The following GPATCH8 variants were observed in gnomAD, a reference collection of about 807,000 sequenced individuals.
GPATCH8 encodes the protein G-patch domain containing 8.
Under a neutral mutation model 118.3 loss-of-function variants are expected in GPATCH8, and 18 were observed. That is an observed-to-expected ratio of 0.15 (90% CI 0.11 to 0.23). GPATCH8 has a LOEUF of 0.23. GPATCH8 is among the 10% of genes least tolerant of loss of function. The probability of loss-of-function intolerance (pLI) is 1.00; values close to 1 mark genes in which losing one functional copy is unlikely to be tolerated. For synonymous variants in GPATCH8, 659 were observed against 684.7 expected, an observed-to-expected ratio of 0.96 and a Z score of 0.59; for missense variants, 1,631 against 1,873.8, an observed-to-expected ratio of 0.87 and a Z score of 2.39.
intron 6 of GPATCH8, among the ~76,000 whole-genome samples, chr17:44,411,928 A>T (rs1407551205): frequency 6.7e-6 from 1 of 149,730 alleles, no homozygotes; most frequent in Non-Finnish European, 1.5e-5. Context: ...CTGTGTCTAT[A>T]AAAAAAAAAT....
chr17:44,472,946 G>A (rs1433018705), intron 2 of GPATCH8, among the ~76,000 whole-genome samples: 2 of 151,642 alleles, frequency 1.3e-5, no homozygotes, highest in African/African-American at 4.8e-5. Flanking sequence ...CACCTGTCTC[G>A]GCCTCCCAAA....
At chr17:44,461,193 T>A (rs192824883) in intron 3 of GPATCH8, among the ~76,000 whole-genome samples, 22 of 152,330 alleles carry the variant, frequency 1.4e-4, no homozygotes, top group Admixed American at 1.4e-3. Context: ...TTTATTTATT[T>A]ATTTTAAACA....
chr17:44,474,996 C>CTT (rs960355933), intron 1 of GPATCH8, 93 bp from the exon 2 acceptor site: 40 of 626,256 alleles, frequency 6.4e-5, no homozygotes, highest in East Asian at 9.2e-5. Context: ...TTTAACTTTT[C>CTT]TTTTTTTTTT....
chr17:44,502,359 GTTT>G (rs10532706), intron 1 of GPATCH8, among the ~76,000 whole-genome samples: 75,939 of 143,922 alleles, frequency 0.53, 20,012 homozygotes, highest in Middle Eastern at 0.64. Flanking sequence ...GTAATGCAGT[GTTT>G]TTTTTTTTTT....
intron 3 of GPATCH8, chr17:44,436,925 C>T (rs931109224): frequency 5.2e-6 from 1 of 190,562 alleles, no homozygotes; most frequent in Non-Finnish European, 1.1e-5. Context: ...TATCCTCCTA[C>T]ACAACTTTTT....
At chr17:44,403,693 T>C (rs551383768) in intron 7 of GPATCH8, among the ~76,000 whole-genome samples, 36 of 32,362 alleles carry the variant, frequency 1.1e-3, no homozygotes, top group South Asian at 4.5e-3. Context: ...TAATCTCTCT[T>C]TTTTTTTTTT....
Position 44,436,533 on chromosome 17 carries a change from G to T in GPATCH8, c.206C>A (p.Pro69His). 1 of 1,492,512 alleles carries T rather than the reference G, an allele frequency of 6.7e-7. No homozygotes were observed. Among genetic ancestry groups the T allele is most frequent in the Non-Finnish European group, 9.4e-7 (1 of 1,068,838 alleles). 92.5% of individuals were successfully genotyped at this position (1,492,512 alleles called of 1,614,324 possible). Reference sequence around the variant, plus strand: ...ATCATACTTGACAACGATTGGAATGGGATCTGTTCTCCCTGTAACAGGAAC... The same window carrying T: ...ATCATACTTGACAACGATTGGAATGTGATCTGTTCTCCCTGTAACAGGAAC... The part of the protein sequence containing the change: ...LGKSLQGRTD[P>H]IPIVVKYDVM... The change falls in exon 4 of 8, where the codon CCC becomes CAC. Residue 69 changes from proline (P) to histidine (H), a missense_variant. By Grantham distance (77) the Pro-to-His change is moderately conservative (BLOSUM62 -2). Transcript: ENST00000591680.
intron 2 of GPATCH8, among the ~76,000 whole-genome samples, chr17:44,472,412 T>C (rs1350076662): frequency 2.6e-5 from 4 of 152,216 alleles, no homozygotes; most frequent in Non-Finnish European, 5.9e-5. Flanking sequence ...TCATGTGCCA[T>C]AGGAATGAAA....
intron 1 of GPATCH8, among the ~76,000 whole-genome samples, chr17:44,479,362 A>G (rs572157163): frequency 1.3e-5 from 2 of 152,368 alleles, no homozygotes; most frequent in Non-Finnish European, 2.9e-5. Flanking sequence ...AAATACAGTT[A>G]GCTAATTAAC....
At chr17:44,453,814 T>C (rs944495937) in intron 3 of GPATCH8, among the ~76,000 whole-genome samples, 2 of 151,966 alleles carry the variant, frequency 1.3e-5, no homozygotes, top group Non-Finnish European at 2.9e-5. Context: ...ATTACAGGCA[T>C]GAGCCATCGT....
chr17:44,452,377 G>C (rs956649603), intron 3 of GPATCH8, among the ~76,000 whole-genome samples: 3 of 151,406 alleles, frequency 2.0e-5, no homozygotes, highest in African/African-American at 4.9e-5. Context: ...ACCTCAAAGA[G>C]GATTTAAGTT....
At chr17:44,440,857 C>A (rs1443044790) in intron 3 of GPATCH8, among the ~76,000 whole-genome samples, 1 of 150,494 alleles carries the variant, frequency 6.6e-6, no homozygotes, top group Non-Finnish European at 1.5e-5. Flanking sequence ...TTGGGAAACA[C>A]CATTTTTTTT....
intron 3 of GPATCH8, among the ~76,000 whole-genome samples, chr17:44,448,578 AAGAAG>A (rs2050992099): frequency 2.2e-5 from 1 of 44,934 alleles, no homozygotes; most frequent in Non-Finnish European, 9.6e-5. Context: ...GAAGAGGAAG[AAGAAG>A]AAGAAGAAGA....
chr17:44,448,555 GGAAGAA>G (rs1314787319), intron 3 of GPATCH8, among the ~76,000 whole-genome samples: 7 of 99,746 alleles, frequency 7.0e-5, no homozygotes, highest in Non-Finnish European at 1.1e-4. Context: ...AAGAGGAAGA[GGAAGAA>G]GAAGAGGAAG....
intron 6 of GPATCH8, among the ~76,000 whole-genome samples, chr17:44,407,442 C>T (rs542962892): frequency 5.9e-5 from 9 of 152,258 alleles, no homozygotes; most frequent in African/African-American, 2.2e-4. Context: ...AAGGGAAGCA[C>T]CTGTACAACA....
At chr17:44,442,238 C>T (rs1019590135) in intron 3 of GPATCH8, among the ~76,000 whole-genome samples, 8 of 147,636 alleles carry the variant, frequency 5.4e-5, no homozygotes, top group East Asian at 1.9e-4. Context: ...ACACCACAAC[C>T]GCAGCACCAC....
chr17:44,486,345 A>C (rs941309192), intron 1 of GPATCH8: 7 of 152,078 alleles, frequency 4.6e-5, no homozygotes, highest in African/African-American at 1.4e-4. Context: ...CTCAGCCTCC[A>C]GAATAGCTGG....
chr17:44,502,906 G>C (rs1321319560), intron 1 of GPATCH8, among the ~76,000 whole-genome samples: 2 of 152,346 alleles, frequency 1.3e-5, no homozygotes, highest in East Asian at 3.9e-4. Flanking sequence ...GGATCCGTGA[G>C]AGCAAAATCC....
intron 6 of GPATCH8, among the ~76,000 whole-genome samples, chr17:44,412,937 A>G (rs1208918872): frequency 6.6e-6 from 1 of 151,934 alleles, no homozygotes; most frequent in Non-Finnish European, 1.5e-5. Context: ...TGCCCGGGTC[A>G]CCCTAATTCA....
Sources: allele counts gnomAD v4.1 joint callset (sites outside exome capture counted in the v4.1 genomes callset), GRCh38; gene constraint gnomAD v4.1.1; transcripts MANE v1.5; gene names NCBI Gene and HGNC (gene_info 2026-07-23, HGNC 2026-07-21).